The following ACAD11 variants were observed in gnomAD, a reference collection of about 807,000 sequenced individuals.
The protein encoded by ACAD11 is acyl-CoA dehydrogenase family member 11, also known as acyl-Coenzyme A dehydrogenase family, member 11.
ACAD11 carries 83 observed loss-of-function variants against 102.2 expected under a neutral mutation model. That is an observed-to-expected ratio of 0.81 (90% CI 0.68 to 0.97). ACAD11 has a LOEUF of 0.97. Ranked by LOEUF, ACAD11 falls within the 50% of genes least tolerant of loss-of-function variation. ACAD11 has a pLI of 0.00. For missense variants in ACAD11, 901 were observed against 951.7 expected, an observed-to-expected ratio of 0.95 and a Z score of 0.70; for synonymous variants, 324 against 319.8, an observed-to-expected ratio of 1.01 and a Z score of -0.14.
intron 2 of ACAD11, among the ~76,000 whole-genome samples, chr3:132,644,014 A>C (rs1940623603): frequency 6.6e-6 from 1 of 151,972 alleles, no homozygotes; most frequent in Non-Finnish European, 1.5e-5. Context: ...AAGTTACCCA[A>C]CTTTTTTTTA....
rs1349264546 is a variant in ACAD11, at chr3:132,639,585, C to T, written c.609G>A (p.Glu203=). 1 of 1,613,832 alleles carries T rather than the reference C, an allele frequency of 6.2e-7. No homozygotes were observed. The highest frequency in any genetic ancestry group is 8.5e-7 in the Non-Finnish European group (1 of 1,179,896). ...QDIPAMQQLS[E]WLMKNLPDND... is the part of the protein sequence containing the mutation. ...TATCGGGCAAGTTCTTCATTAGCCA[C>T]TCCGATAGCTGTTGCATGGCAGGGA... is the stretch of plus-strand genomic sequence containing the variant. Residue 203 remains glutamate, a synonymous_variant, in exon 5 of 20, where the codon GAG becomes GAA. Coordinates refer to ENST00000264990, the MANE Select transcript of ACAD11 (RefSeq NM_032169.5).
chr3:132,645,488 G>C (rs979701545), intron 1 of ACAD11, among the ~76,000 whole-genome samples: 5 of 152,140 alleles, frequency 3.3e-5, no homozygotes, highest in Non-Finnish European at 4.4e-5. Flanking sequence ...CAGATGAACA[G>C]AAATTCTCAC....
chr3:132,634,324 A>G (rs1244079943), intron 5 of ACAD11, among the ~76,000 whole-genome samples: 2 of 152,178 alleles, frequency 1.3e-5, no homozygotes, highest in Non-Finnish European at 2.9e-5. Context: ...ATCACTGGCT[A>G]TCAGAGAAAT....
In ACAD11 at chr3:132,632,208, C is replaced by T. The variant is rs763961630; in HGVS notation, c.703-729G>A. ...ACACCATTCTCCTGCCTCAGCCTCC[C>T]GAATAGCTGGGACTACAGGTGCTCG... On this transcript the variant is annotated intron_variant, in intron 5 of 19. Transcript: ENST00000264990. Among the ~76,000 whole-genome samples, 99 of 151,962 alleles carry T rather than the reference C, an allele frequency of 6.5e-4. 1 individual carries two copies. The highest frequency in any genetic ancestry group is 1.2e-3 in the Non-Finnish European group (79 of 67,994).
intron 13 of ACAD11, among the ~76,000 whole-genome samples, chr3:132,586,051 T>C (rs921472344): frequency 1.6e-4 from 25 of 152,216 alleles, no homozygotes; most frequent in Non-Finnish European, 2.6e-4. Flanking sequence ...CGTATGTTTA[T>C]TGTGGCACTA....
Position 132,559,843 on chromosome 3 carries a change from GAGGGTAATCCTGGGAAACACCAGC to G in ACAD11, c.2194_2217del (p.Ala732_Pro739del). 1 of 1,612,886 alleles carries G rather than the reference GAGGGTAATCCTGGGAAACACCAGC, an allele frequency of 6.2e-7. No individual in the cohort carries two copies. Among genetic ancestry groups the G allele is most frequent in the Non-Finnish European group, 8.5e-7 (1 of 1,179,248 alleles). On this transcript the variant is annotated inframe_deletion, in exon 19 of 20. Transcript: ENST00000264990. ...ATGACATCTACTCACATGTTAGCCA[GAGGGTAATCCTGGGAAACACCAGC>G]ACCTCCGCACACCTGGATGGCCCAG...
At chr3:132,602,602 CCTA>C (rs1238308877) in intron 13 of ACAD11, among the ~76,000 whole-genome samples, 1 of 151,966 alleles carries the variant, frequency 6.6e-6, no homozygotes, top group Non-Finnish European at 1.5e-5. Flanking sequence ...GTAATATGCT[CCTA>C]CTAAAATTAA....
intron 13 of ACAD11, among the ~76,000 whole-genome samples, chr3:132,598,744 T>C (rs927007961): frequency 1.3e-5 from 2 of 152,196 alleles, no homozygotes; most frequent in African/African-American, 4.8e-5. Flanking sequence ...AGCCCACTGC[T>C]GAGAAATTAG....
chr3:132,633,863 G>A (rs1438638158), intron 5 of ACAD11, among the ~76,000 whole-genome samples: 1 of 152,084 alleles, frequency 6.6e-6, no homozygotes, highest in African/African-American at 2.4e-5. Context: ...TATGTAGAAA[G>A]CTGAAACTGG....
chr3:132,605,213 T>C lies in ACAD11; in HGVS notation c.1415-8A>G. 1 of 1,596,180 alleles carries C rather than the reference T, an allele frequency of 6.3e-7. No individual in the cohort carries two copies. Among genetic ancestry groups the C allele is most frequent in the Non-Finnish European group, 8.6e-7 (1 of 1,165,750 alleles). On this transcript the variant is annotated splice_region_variant and splice_polypyrimidine_tract_variant and intron_variant, in intron 11 of 19. Transcript: ENST00000264990. ...CCTCCATATTCCCTGTGTCTACACATAAAGAAGGAGTATTTGTTTTGCATT... is the reference window on the plus strand; with the variant it reads ...CCTCCATATTCCCTGTGTCTACACACAAAGAAGGAGTATTTGTTTTGCATT...
intron 15 of ACAD11, among the ~76,000 whole-genome samples, chr3:132,578,075 G>A (rs773425766): frequency 3.3e-5 from 5 of 152,150 alleles, no homozygotes; most frequent in Non-Finnish European, 7.3e-5. Context: ...AAGAAAGCCA[G>A]GGGCTGGGCC....
intron 1 of ACAD11, among the ~76,000 whole-genome samples, chr3:132,651,859 C>A (rs1222892526): frequency 6.6e-6 from 1 of 152,160 alleles, no homozygotes; most frequent in Non-Finnish European, 1.5e-5. Context: ...GCCTGTACCC[C>A]CATTGTATCT....
intron 17 of ACAD11, among the ~76,000 whole-genome samples, chr3:132,562,929 GT>G (rs1223023520): frequency 6.6e-6 from 1 of 152,060 alleles, no homozygotes; most frequent in Admixed American, 6.5e-5. Flanking sequence ...TTTCCACTAT[GT>G]TTTCTTCTAA....
intron 17 of ACAD11, among the ~76,000 whole-genome samples, chr3:132,565,455 C>T (rs1378088694): frequency 6.6e-6 from 1 of 152,084 alleles, no homozygotes; most frequent in African/African-American, 2.4e-5. Context: ...TGATGCCACT[C>T]CTTTCTCTGA....
At chr3:132,597,824 A>G (rs1938381670) in intron 13 of ACAD11, among the ~76,000 whole-genome samples, 1 of 152,068 alleles carries the variant, frequency 6.6e-6, no homozygotes. Context: ...AGATTTTCTG[A>G]TGAAAGAGAA....
At chr3:132,621,807 G>C (rs569792899) in intron 9 of ACAD11, among the ~76,000 whole-genome samples, 71 of 151,688 alleles carry the variant, frequency 4.7e-4, no homozygotes, top group Non-Finnish European at 7.1e-4. Context: ...ATGAAACCCT[G>C]TCTTTACCAA....
At chr3:132,607,751 T>C (rs1228370076) in intron 11 of ACAD11, among the ~76,000 whole-genome samples, 1 of 151,978 alleles carries the variant, frequency 6.6e-6, no homozygotes, top group African/African-American at 2.4e-5. Context: ...GAGGCCAACA[T>C]TCAAATTCAG....
chr3:132,597,311 C>A (rs1157001922), intron 13 of ACAD11: 1 of 152,048 alleles, frequency 6.6e-6, no homozygotes, highest in Admixed American at 6.6e-5. Context: ...CTCCTCTCTG[C>A]CGACTACAAC....
intron 4 of ACAD11, among the ~76,000 whole-genome samples, chr3:132,640,356 G>C (rs1285522753): frequency 1.3e-5 from 2 of 152,066 alleles, no homozygotes; most frequent in East Asian, 3.9e-4. Flanking sequence ...CCAAAGTCCT[G>C]GGATTACAAG....
Sources: gnomAD v4.1 joint callset for allele counts (sites outside exome capture counted in the v4.1 genomes callset) on GRCh38, gnomAD v4.1.1 for gene constraint, MANE v1.5 for transcripts, NCBI Gene and HGNC (gene_info 2026-07-23, HGNC 2026-07-21) for gene names.